Variants in PARP6 observed in about 807,000 individuals in gnomAD.
The protein encoded by PARP6 is poly(ADP-ribose) polymerase family member 6, also known as protein mono-ADP-ribosyltransferase PARP6.
PARP6 carries 27 observed loss-of-function variants against 92.0 expected under a neutral mutation model. The observed-to-expected ratio is 0.29, with a 90% CI of 0.22 to 0.40. The LOEUF (loss-of-function observed/expected upper bound fraction) is 0.40, where lower values mean the gene tolerates loss of function less well. Ranked by LOEUF, PARP6 falls within the 10% of genes least tolerant of loss-of-function variation. PARP6 has a pLI of 1.00. For synonymous variants in PARP6, 272 were observed against 281.2 expected (o/e 0.97, Z 0.33); for missense variants, 501 against 784.5 (o/e 0.64, Z 4.32).
intron 20 of PARP6, among the ~76,000 whole-genome samples, chr15:72,246,143 C>T (rs2083573741): frequency 6.6e-6 from 1 of 152,076 alleles, no homozygotes; most frequent in South Asian, 2.1e-4. Context: ...TTTCATAACA[C>T]ATTATTGTTT....
chr15:72,244,882 T>A (rs1027390294), intron 20 of PARP6: 2 of 154,824 alleles, frequency 1.3e-5, no homozygotes, highest in African/African-American at 2.4e-5. Flanking sequence ...GAAAAAGGGT[T>A]TAATGGACTT....
chr15:72,250,173 T>C, intron 18 of PARP6, 81 bp from the exon 19 acceptor site: 1 of 850,698 alleles, frequency 1.2e-6, no homozygotes, highest in Non-Finnish European at 2.0e-6. Context: ...TCCCACCCAT[T>C]CTCACCCACA....
chr15:72,269,509 C>A (rs2087076001), intron 2 of PARP6, among the ~76,000 whole-genome samples: 1 of 152,128 alleles, frequency 6.6e-6, no homozygotes, highest in Admixed American at 6.5e-5. Flanking sequence ...ATTAGTGATT[C>A]TCTGACTGGG....
At position 72,241,706 on chromosome 15, in the gene PARP6, T is replaced by C. The variant is rs559444006; in HGVS notation, c.1791-149A>G. ...TTCATAGTGGAAGATATTCAGCTTA[T>C]CTGGTTTCCTCTAGATAGATCCCAA... On this transcript the variant is annotated intron_variant, in intron 23 of 23. Transcript: ENST00000569795. This position sits in a 1 kb window ranked among gnomAD's most constrained non-coding sequence, Gnocchi z 4.1. 1.3e-6 allele frequency: 1 copy of C among 765,942 alleles called. No individual in the cohort carries two copies. Among genetic ancestry groups the C allele is most frequent in the South Asian group, 1.7e-5 (1 of 60,506 alleles). 47.4% of individuals were successfully genotyped at this position (765,942 alleles called of 1,614,324 possible). A position where few individuals can be genotyped will look rare whatever the true frequency, so the allele number is the denominator to read the frequency against.
intron 11 of PARP6, 61 bp downstream of exon 11, chr15:72,259,547 G>C: frequency 7.1e-7 from 1 of 1,408,994 alleles, no homozygotes; most frequent in African/African-American, 1.4e-5. Flanking sequence ...GGAGGTGTTA[G>C]GAGACCAAAT....
chr15:72,266,485 T>C (rs1252760256), intron 4 of PARP6, among the ~76,000 whole-genome samples: 1 of 147,444 alleles, frequency 6.8e-6, no homozygotes, highest in East Asian at 2.2e-4. Flanking sequence ...GCTAGTGTTA[T>C]AAAAGTCAGA....
At position 72,259,550 on chromosome 15, in the gene PARP6, G is replaced by C. The variant is rs372697396; in HGVS notation, c.810+58C>G. 8.4e-5 allele frequency: 122 copies of C among 1,460,490 alleles called. No homozygotes were observed. The African/African-American group carries it at 1.6e-3, about 19-fold the overall frequency. The allele number at this position is 1,460,490 out of a possible 1,614,324, so 90.5% of individuals were successfully genotyped here. ...ATTGAGGAGCTGGGAGGTGTTAGGA[G>C]ACCAAATGGGTCAGACAACAGGGAA... is the stretch of plus-strand genomic sequence containing the variant. On this transcript the variant is annotated intron_variant, in intron 11 of 23. Transcript: ENST00000569795.
chr15:72,265,608 T>C (rs1436581269), intron 5 of PARP6, 135 bp from the exon 6 acceptor site: 6 of 731,230 alleles, frequency 8.2e-6, no homozygotes, highest in Non-Finnish European at 1.5e-5. Flanking sequence ...CCTAGGGTCT[T>C]AGCTATAGCC....
At chr15:72,252,169 G>T (rs2084446250) in intron 16 of PARP6, among the ~76,000 whole-genome samples, 2 of 152,200 alleles carry the variant, frequency 1.3e-5, no homozygotes, top group Admixed American at 1.3e-4. Flanking sequence ...AGTGCCTCAA[G>T]GCTCTGGACA....
intron 16 of PARP6, among the ~76,000 whole-genome samples, chr15:72,253,174 C>CAA (rs11300145): frequency 1.5e-5 from 2 of 134,394 alleles, no homozygotes; most frequent in African/African-American, 5.5e-5. Context: ...GACCCTATCT[C>CAA]AAAAAAAAAA....
chr15:72,245,470 G>A (rs1255848206), intron 20 of PARP6: 1 of 152,176 alleles, frequency 6.6e-6, no homozygotes, highest in Non-Finnish European at 1.5e-5. Flanking sequence ...GATGAGATCT[G>A]GGTGGAGACA....
At chr15:72,254,713 G>GT (rs1047940224) in intron 14 of PARP6, among the ~76,000 whole-genome samples, 193 bp from the exon 15 acceptor site, 34 of 152,336 alleles carry the variant, frequency 2.2e-4, no homozygotes, top group African/African-American at 8.2e-4. Flanking sequence ...GAGTAACAGG[G>GT]TAAGTTATTT....
intron 9 of PARP6, among the ~76,000 whole-genome samples, chr15:72,261,335 C>A (rs1388182907): frequency 1.3e-5 from 2 of 152,168 alleles, no homozygotes; most frequent in East Asian, 3.9e-4. Flanking sequence ...AAATACATAT[C>A]ACGAGCTAGG....
Position 72,254,535 on chromosome 15 carries a change from T to A in PARP6, c.1126-15A>T. 1 of 1,600,140 alleles carries A rather than the reference T, an allele frequency of 6.2e-7. No individual in the cohort carries two copies. The highest frequency in any genetic ancestry group is 8.6e-7 in the Non-Finnish European group (1 of 1,167,626). On this transcript the variant is annotated splice_polypyrimidine_tract_variant and intron_variant, in intron 14 of 23. Transcript: ENST00000569795. ...TAATTCTTCTTCTGTGGAGAATCAA[T>A]GGGAAGAGAAGAACCAAATAAAGAA...
chr15:72,261,877 A>G (rs2141049698), intron 8 of PARP6, among the ~76,000 whole-genome samples, 170 bp from the exon 9 acceptor site: 1 of 152,288 alleles, frequency 6.6e-6, no homozygotes, highest in South Asian at 2.1e-4. Context: ...TAAAAAAATC[A>G]CCATCCCAGA....
chr15:72,254,737 C>A (rs575681246), intron 14 of PARP6, among the ~76,000 whole-genome samples: 1 of 152,172 alleles, frequency 6.6e-6, no homozygotes, highest in Non-Finnish European at 1.5e-5. Flanking sequence ...CTCTTAGAAC[C>A]TTTAGCATCC....
At chr15:72,269,975 C>T (rs553505081) in intron 2 of PARP6, among the ~76,000 whole-genome samples, 13 of 151,550 alleles carry the variant, frequency 8.6e-5, no homozygotes, top group South Asian at 2.1e-4. Context: ...TTTTAACACA[C>T]GCTCCAAGTT....
rs2085740679 is a variant in PARP6 at position 72,260,609 on chromosome 15, T to A, written c.625A>T (p.Met209Leu). ...ATGGTACAGGAGATGGAACGGTTCA[T>A]GAGGCGCCCAACCCGAAGCTCTGGT... is the stretch of plus-strand genomic sequence containing the variant. ...GVPELRVGRL[M>L]NRSISCTMKN... Residue 209 changes from methionine to leucine, a missense_variant, in exon 10 of 24, where the codon ATG (methionine) becomes TTG (leucine). Met to Leu is a conservative substitution (Grantham distance 15, BLOSUM62 2). This residue lies in a region of PARP6 where 291 missense variants were observed against 352.0 expected (regional missense o/e 0.83). Coordinates refer to ENST00000569795, the MANE Select transcript of PARP6 (RefSeq NM_001323532.2). 1.2e-6 allele frequency: 2 copies of A among 1,614,054 alleles called. No individual in the cohort carries two copies. Among genetic ancestry groups the A allele is most frequent in the East Asian group, 2.2e-5 (1 of 44,896 alleles).
At chr15:72,251,133 G>T (rs1391884487) in intron 17 of PARP6, 74 bp downstream of exon 17, 1 of 1,083,706 alleles carries the variant, frequency 9.2e-7, no homozygotes, top group Non-Finnish European at 1.4e-6. Flanking sequence ...GGACCAATAT[G>T]GTTAGCTGGC....
Sources: allele counts gnomAD v4.1 joint callset (sites outside exome capture counted in the v4.1 genomes callset), GRCh38; gene constraint gnomAD v4.1.1; regional missense constraint gnomAD v4.1.1; non-coding constraint Gnocchi (gnomAD v3.1); transcripts MANE v1.5; gene names NCBI Gene and HGNC (gene_info 2026-07-23, HGNC 2026-07-21).